NEGR1: variants seen among roughly 807,000 people sequenced by gnomAD.
NEGR1 encodes IgLON family member 4.
A neutral mutation model predicts 40.9 loss-of-function variants in NEGR1; 10 were observed. That is an observed-to-expected ratio of 0.24 (90% CI 0.15 to 0.42). NEGR1 has a LOEUF of 0.42. Among genes scored for constraint, NEGR1 ranks in the 10% least tolerant of loss-of-function variants. NEGR1 has a pLI of 1.00. For synonymous variants in NEGR1, 185 were observed against 166.8 expected, an observed-to-expected ratio of 1.11 and a Z score of -0.84; for missense variants, 352 against 438.9, an observed-to-expected ratio of 0.80 and a Z score of 1.77.
chr1:72,114,714 G>A (rs970672744), intron 1 of NEGR1, among the ~76,000 whole-genome samples: 4 of 151,642 alleles, frequency 2.6e-5, no homozygotes, highest in Admixed American at 1.3e-4. Context: ...AACACATTCC[G>A]GAAACCCTAT....
rs141982364 is a variant in NEGR1 at position 71,623,703 on chromosome 1, G to T, written c.668-12557C>A. On this transcript the variant is annotated intron_variant, in intron 4 of 6. Coordinates refer to ENST00000357731, the MANE Select transcript of NEGR1 (RefSeq NM_173808.3). ...AGACATTTTACCTATAAATAGTGTA[G>T]CTTAAAGAAATCAGAAGATGTGGGA... is the stretch of plus-strand genomic sequence containing the variant. 2.0e-5 allele frequency among the ~76,000 whole-genome samples: 3 copies of T among 152,008 alleles called. No homozygotes were observed. In the East Asian group the frequency reaches 5.8e-4, roughly 29 times the overall value.
At chr1:71,537,632 G>A (rs573798503) in intron 6 of NEGR1, among the ~76,000 whole-genome samples, 1 of 151,808 alleles carries the variant, frequency 6.6e-6, no homozygotes, top group South Asian at 2.1e-4. Context: ...TATAAGCCTT[G>A]ATGCCATAGA....
intron 2 of NEGR1, among the ~76,000 whole-genome samples, chr1:71,815,066 C>A (rs1231839281): frequency 6.6e-6 from 1 of 152,072 alleles, no homozygotes; most frequent in African/African-American, 2.4e-5. Flanking sequence ...TCCCTCTTAA[C>A]ACTGCTTTAG....
intron 2 of NEGR1, among the ~76,000 whole-genome samples, chr1:71,805,519 C>T (rs113723983): frequency 0.017 from 2,620 of 152,232 alleles, 64 homozygotes; most frequent in African/African-American, 0.06. Context: ...CGTGAAACAT[C>T]GGGGCTGAAT....
At chr1:72,209,219 A>G (rs1335841481) in intron 1 of NEGR1, among the ~76,000 whole-genome samples, 1 of 151,636 alleles carries the variant, frequency 6.6e-6, no homozygotes, top group East Asian at 1.9e-4. Flanking sequence ...TTAGAAAAAT[A>G]GTATATGATC....
intron 2 of NEGR1, among the ~76,000 whole-genome samples, chr1:71,824,855 A>G (rs1238006116): frequency 1.3e-5 from 2 of 151,998 alleles, no homozygotes; most frequent in Non-Finnish European, 2.9e-5. Context: ...TACTGATTAT[A>G]TAATAGTCCA....
At chr1:71,537,831 A>G (rs1472773716) in intron 6 of NEGR1, among the ~76,000 whole-genome samples, 1 of 151,712 alleles carries the variant, frequency 6.6e-6, no homozygotes, top group Non-Finnish European at 1.5e-5. Context: ...TGGAGTCATT[A>G]ACTTGTAAGC....
chr1:72,021,237 A>G (rs1646753524), intron 1 of NEGR1, among the ~76,000 whole-genome samples: 1 of 152,202 alleles, frequency 6.6e-6, no homozygotes, highest in Non-Finnish European at 1.5e-5. Flanking sequence ...AACACTATTG[A>G]CAATTAGATA....
At chr1:72,214,057 C>G (rs1358610734) in intron 1 of NEGR1, among the ~76,000 whole-genome samples, 2 of 152,018 alleles carry the variant, frequency 1.3e-5, no homozygotes, top group Non-Finnish European at 2.9e-5. Context: ...AAGGCTGGTT[C>G]AACATACGCA....
intron 3 of NEGR1, among the ~76,000 whole-genome samples, chr1:71,706,833 T>A (rs564969818): frequency 1.4e-3 from 211 of 151,840 alleles, no homozygotes; most frequent in Middle Eastern, 3.2e-3. Flanking sequence ...GGGCCCTGAA[T>A]AACCAGCAAC....
intron 2 of NEGR1, among the ~76,000 whole-genome samples, chr1:71,798,511 G>C (rs1657424205): frequency 6.6e-6 from 1 of 152,242 alleles, no homozygotes; most frequent in East Asian, 1.9e-4. Flanking sequence ...TGTGCACCAA[G>C]AACTATTCTA....
At chr1:72,044,923 G>A (rs910322569) in intron 1 of NEGR1, among the ~76,000 whole-genome samples, 6 of 151,766 alleles carry the variant, frequency 4.0e-5, no homozygotes, top group African/African-American at 7.3e-5. Context: ...ATACATATCC[G>A]AGGTCATGCT....
rs530525795 is a variant in NEGR1 at position 72,038,729 on chromosome 1, A to C, written c.177-103418T>G. The stretch of plus-strand genomic sequence containing the variant: ...TTCCAAGAAACAACATTAGAAAGAG[A>C]TAGAAAAGATGTTAATATGGATGCT... On this transcript the variant is annotated intron_variant, in intron 1 of 6. Transcript: ENST00000357731. Among the ~76,000 whole-genome samples the C allele has an allele frequency of 1.8e-3, 280 of 152,100 alleles. 3 individuals are homozygous for C. Among genetic ancestry groups the C allele is most frequent in the African/African-American group, 6.7e-3 (277 of 41,546 alleles).
intron 1 of NEGR1, among the ~76,000 whole-genome samples, chr1:72,194,307 AG>A (rs1228112069): frequency 6.6e-6 from 1 of 151,952 alleles, no homozygotes; most frequent in African/African-American, 2.4e-5. Flanking sequence ...GGTACTATTC[AG>A]GAGGCTGAAA....
intron 1 of NEGR1, among the ~76,000 whole-genome samples, chr1:72,116,042 G>T (rs963308773): frequency 6.6e-6 from 1 of 151,572 alleles, no homozygotes; most frequent in African/African-American, 2.4e-5. Flanking sequence ...TAAAACAAAA[G>T]GTGAATATTA....
intron 2 of NEGR1, among the ~76,000 whole-genome samples, chr1:71,822,514 G>T (rs1359502725): frequency 1.3e-5 from 2 of 151,952 alleles, no homozygotes; most frequent in Non-Finnish European, 2.9e-5. Flanking sequence ...GCTCCCACTT[G>T]TCAAGGCTGA....
chr1:71,530,781 G>A (rs763795531), intron 6 of NEGR1, among the ~76,000 whole-genome samples: 4 of 151,288 alleles, frequency 2.6e-5, no homozygotes, highest in East Asian at 2.0e-4. Context: ...TTTAGAAGTC[G>A]TGCCAACAAT....
chr1:71,812,422 A>T (rs1198170511), intron 2 of NEGR1, among the ~76,000 whole-genome samples: 2 of 152,044 alleles, frequency 1.3e-5, no homozygotes, highest in East Asian at 3.9e-4. Flanking sequence ...CAGTAATGGG[A>T]TTGCTGGGTC....
chr1:71,597,464 C>CTGTGTGTG (rs1478049057), intron 5 of NEGR1, among the ~76,000 whole-genome samples: 5 of 19,174 alleles, frequency 2.6e-4, no homozygotes, highest in Admixed American at 1.4e-3. Context: ...CTCTCTCTCT[C>CTGTGTGTG]TCTCTCTCTG....
Sources: gnomAD v4.1 joint callset for allele counts (sites outside exome capture counted in the v4.1 genomes callset) on GRCh38, gnomAD v4.1.1 for gene constraint, MANE v1.5 for transcripts, NCBI Gene and HGNC (gene_info 2026-07-23, HGNC 2026-07-21) for gene names.